ASCC3: variants seen among roughly 807,000 people sequenced by gnomAD.
ASCC3 encodes the protein activating signal cointegrator 1 complex subunit 3.
A neutral mutation model predicts 256.3 loss-of-function variants in ASCC3; 158 were observed. The ratio of observed to expected loss-of-function variants is 0.62; its 90% CI spans 0.54 to 0.70. The LOEUF (loss-of-function observed/expected upper bound fraction) is 0.70. ASCC3 is among the 30% of genes least tolerant of loss of function. The pLI is 0.00. For synonymous variants in ASCC3, 948 were observed against 883.4 expected, an observed-to-expected ratio of 1.07 and a Z score of -1.30; for missense variants, 2,259 against 2,626.0, an observed-to-expected ratio of 0.86 and a Z score of 3.05.
At chr6:100,852,064 C>A (rs1157511287) in intron 3 of ASCC3, among the ~76,000 whole-genome samples, 1 of 152,182 alleles carries the variant, frequency 6.6e-6, no homozygotes, top group Non-Finnish European at 1.5e-5. Flanking sequence ...GAGCCCTGAT[C>A]AGATTGGAGC....
intron 1 of ASCC3, among the ~76,000 whole-genome samples, chr6:100,876,026 C>T (rs1342182242): frequency 1.3e-5 from 2 of 151,802 alleles, no homozygotes; most frequent in Non-Finnish European, 2.9e-5. Flanking sequence ...CAGGGGAGAG[C>T]AAAGAGAGAA....
chr6:100,744,758 C>T lies in ASCC3; in HGVS notation c.1738-19055G>A, dbSNP rs1397546415. On this transcript the variant is annotated intron_variant, in intron 10 of 41. Coordinates refer to ENST00000369162, the MANE Select transcript of ASCC3 (RefSeq NM_006828.4). ...AATTTGGAAATGCTATAAACAAATG[C>T]CCAAGGAAGAGTTAAATAAATATAA... Among the ~76,000 whole-genome samples, 2 of 152,014 alleles carry T rather than the reference C, an allele frequency of 1.3e-5. 1 individual carries two copies. Among genetic ancestry groups the T allele is most frequent in the South Asian group, 4.1e-4 (2 of 4,832 alleles).
intron 36 of ASCC3, among the ~76,000 whole-genome samples, chr6:100,551,070 T>C (rs893800630): frequency 6.6e-6 from 1 of 151,994 alleles, no homozygotes; most frequent in African/African-American, 2.4e-5. Context: ...TCTTAGTGCA[T>C]GAAGTAATCT....
intron 36 of ASCC3, among the ~76,000 whole-genome samples, chr6:100,564,003 T>C (rs1284149303): frequency 6.6e-6 from 1 of 152,030 alleles, no homozygotes; most frequent in East Asian, 1.9e-4. Context: ...TAGAAAATGG[T>C]GCAGTTATGC....
Position 100,509,539 on chromosome 6 carries a change from A to G in ASCC3, c.6462-6T>C. 6.2e-7 allele frequency: 1 copy of G among 1,609,564 alleles called. No homozygotes were observed. Among genetic ancestry groups the G allele is most frequent in the Non-Finnish European group, 8.5e-7 (1 of 1,176,298 alleles). ...AATATAATGTGTAGATATACCTAAA[A>G]TATAAAAATAGAAGAAAAATGTAAA... On this transcript the variant is annotated splice_region_variant and splice_polypyrimidine_tract_variant and intron_variant, in intron 41 of 41. Transcript: ENST00000369162.
chr6:100,646,703 A>T lies in ASCC3; in HGVS notation c.3545T>A (p.Val1182Asp). The stretch of plus-strand genomic sequence containing the variant: ...AGGCTGAATGGATGCTTCCATCATA[A>T]CAGAAGGAATCTGATGAACACATTG... ...VKQCVHQIPS[V>D]MMEASIQPIT... Residue 1182 changes from valine (V) to aspartate (D), a missense_variant, in exon 22 of 42, where the codon GTT becomes GAT. Val to Asp is a radical substitution (Grantham distance 152). Around this residue, in one of 2 missense-constraint regions of ASCC3, gnomAD observed 1,839 missense variants for 2,206.7 expected, o/e 0.83. Coordinates refer to ENST00000369162, the MANE Select transcript of ASCC3 (RefSeq NM_006828.4). The T allele has an allele frequency of 6.2e-7, 1 of 1,613,718 alleles. No homozygotes were observed. The highest frequency in any genetic ancestry group is 2.2e-5 in the East Asian group (1 of 44,848).
At chr6:100,554,989 A>G (rs893302855) in intron 36 of ASCC3, among the ~76,000 whole-genome samples, 1 of 151,986 alleles carries the variant, frequency 6.6e-6, no homozygotes. Context: ...TTCAAACTTT[A>G]TAAATCATAT....
intron 34 of ASCC3, among the ~76,000 whole-genome samples, chr6:100,593,781 TACC>T (rs1772127121): frequency 6.6e-6 from 1 of 152,088 alleles, no homozygotes; most frequent in Non-Finnish European, 1.5e-5. Context: ...CAGCTGAAAC[TACC>T]ACATTTTTGC....
At chr6:100,732,155 C>T (rs9498203) in intron 10 of ASCC3, among the ~76,000 whole-genome samples, 9,070 of 131,178 alleles carry the variant, frequency 0.069, 662 homozygotes, top group East Asian at 0.31. Flanking sequence ...AGCGAGACTC[C>T]GTCTCAAAAC....
intron 4 of ASCC3, among the ~76,000 whole-genome samples, chr6:100,838,956 CTTAT>C (rs773252315): frequency 1.3e-5 from 2 of 151,984 alleles, no homozygotes; most frequent in Non-Finnish European, 2.9e-5. Context: ...AATAACCATA[CTTAT>C]TTATGTTTAC....
In ASCC3 at chr6:100,509,101, T is replaced by C. The variant is rs937589812; in HGVS notation, c.*285A>G. On this transcript the variant is annotated 3_prime_UTR_variant, in exon 42 of 42. Transcript: ENST00000369162. ...TAAAATTTGATTGATAGCTCCTAAA[T>C]ATCATCCCAAATATACACAAATTAA... 1 of 402,510 alleles carries C rather than the reference T, an allele frequency of 2.5e-6. No individual in the cohort carries two copies. The highest frequency in any genetic ancestry group is 2.2e-5 in the South Asian group (1 of 44,450). The allele number at this position is 402,510 out of a possible 1,614,324, so 24.9% of individuals were successfully genotyped here. A position where few individuals can be genotyped will look rare whatever the true frequency, so the allele number is the denominator to read the frequency against.
intron 16 of ASCC3, among the ~76,000 whole-genome samples, chr6:100,660,548 CT>C (rs1582650811): frequency 6.6e-6 from 1 of 151,728 alleles, no homozygotes; most frequent in East Asian, 1.9e-4. Flanking sequence ...CAAAAATGTT[CT>C]TGTAATTTTG....
chr6:100,855,918 T>G (rs1772921285), intron 3 of ASCC3, among the ~76,000 whole-genome samples: 2 of 152,218 alleles, frequency 1.3e-5, no homozygotes, highest in African/African-American at 4.8e-5. Context: ...TACCCACTAG[T>G]AACTGACAGA....
At chr6:100,746,022 A>G (rs1235049610) in intron 10 of ASCC3, among the ~76,000 whole-genome samples, 1 of 151,928 alleles carries the variant, frequency 6.6e-6, no homozygotes, top group African/African-American at 2.4e-5. Context: ...TTATTTGTAT[A>G]GCTTTCTTAA....
At position 100,540,292 on chromosome 6, in the gene ASCC3, A is replaced by G; in HGVS notation, c.5646T>C (p.His1882=). 1 of 1,613,866 alleles carries G rather than the reference A, an allele frequency of 6.2e-7. No homozygotes were observed. The highest frequency in any genetic ancestry group is 8.5e-7 in the Non-Finnish European group (1 of 1,179,944). The change falls in exon 37 of 42, where the codon CAT becomes CAC. Residue 1882 remains histidine, a synonymous_variant. Coordinates refer to ENST00000369162, the MANE Select transcript of ASCC3 (RefSeq NM_006828.4). ...AKCLPIESNP[H]SFDSPHTKAH... ...CTTTGGTGTGAGGGCTGTCAAATGA[A>G]TGAGGATTTGATTCAATGGGAAGAC...
chr6:100,795,295 C>G (rs2114320950), intron 8 of ASCC3, among the ~76,000 whole-genome samples: 1 of 151,250 alleles, frequency 6.6e-6, no homozygotes, highest in East Asian at 1.9e-4. Context: ...ATGGAGAAAG[C>G]CTATCTGGGA....
At chr6:100,819,501 G>A (rs1266171576) in intron 4 of ASCC3, among the ~76,000 whole-genome samples, 1 of 152,124 alleles carries the variant, frequency 6.6e-6, no homozygotes, top group African/African-American at 2.4e-5. Context: ...GCCAGTCCGA[G>A]TCCCAAAACC....
chr6:100,781,262 T>A (rs1190809921), intron 8 of ASCC3, among the ~76,000 whole-genome samples: 3 of 152,256 alleles, frequency 2.0e-5, no homozygotes, highest in Admixed American at 1.3e-4. Flanking sequence ...AAGTGTTTTT[T>A]ATCATATATT....
rs1288155733 is a variant in ASCC3 at position 100,608,159 on chromosome 6, TTTATATAC to T, written c.4786-1079_4786-1072del. ...ATGTATATATATCTATATATACATA[TTTATATAC>T]ATATTTATATATGTGTGTGTATATA... On this transcript the variant is annotated intron_variant, in intron 30 of 41. Coordinates refer to ENST00000369162, the MANE Select transcript of ASCC3 (RefSeq NM_006828.4). Among the ~76,000 whole-genome samples the T allele has an allele frequency of 2.8e-4, 35 of 123,284 alleles. 1 individual carries two copies. Among genetic ancestry groups the T allele is most frequent in the African/African-American group, 6.4e-4 (21 of 32,674 alleles). The allele number at this position is 123,284 out of a possible 152,430, so 80.9% of individuals were successfully genotyped here.
Sources: gnomAD v4.1 joint callset for allele counts (sites outside exome capture counted in the v4.1 genomes callset) on GRCh38, gnomAD v4.1.1 for gene constraint, gnomAD v4.1.1 regional missense constraint, MANE v1.5 for transcripts, NCBI Gene and HGNC (gene_info 2026-07-23, HGNC 2026-07-21) for gene names.